BCAS3: variants seen among roughly 807,000 people sequenced by gnomAD.
The protein encoded by BCAS3 is BCAS4/BCAS3 fusion.
BCAS3 carries 53 observed loss-of-function variants against 116.1 expected under a neutral mutation model. The observed-to-expected ratio is 0.46, with a 90% CI of 0.37 to 0.57. The LOEUF is 0.57. Among genes scored for constraint, BCAS3 ranks in the 20% least tolerant of loss-of-function variants. BCAS3 has a pLI of 0.00. For synonymous variants in BCAS3, 391 were observed against 408.2 expected (o/e 0.96, Z 0.51); for missense variants, 917 against 1,165.4 (o/e 0.79, Z 3.10).
At chr17:61,375,634 A>G (rs1420982742) in intron 23 of BCAS3, among the ~76,000 whole-genome samples, 1 of 151,288 alleles carries the variant, frequency 6.6e-6, no homozygotes, top group African/African-American at 2.4e-5. Flanking sequence ...CAATGGCACA[A>G]TCTCAGCTCA....
chr17:60,825,287 A>C (rs960993574), intron 7 of BCAS3, among the ~76,000 whole-genome samples: 14 of 151,722 alleles, frequency 9.2e-5, no homozygotes, highest in Non-Finnish European at 2.1e-4. Context: ...TATGCACATT[A>C]TTTCATTATA....
chr17:61,070,366 A>ATATATAT, intron 19 of BCAS3: 1 of 311,128 alleles, frequency 3.2e-6, no homozygotes, highest in Non-Finnish European at 6.5e-6. Context: ...CCTAATTCTG[A>ATATATAT]ATATATATAT....
rs767971141 is a variant in BCAS3 at position 61,392,089 on chromosome 17, C to T, written c.2706C>T (p.Ser902=). The T allele has an allele frequency of 9.9e-6, 16 of 1,613,684 alleles. No homozygotes were observed. In the South Asian group the frequency reaches 1.8e-4, roughly 18 times the overall value. The part of the protein sequence containing the change: ...GYRSPLPTNE[S]QPLSLFPTGF... ...GATCTCCGCTGCCCACCAATGAGAGCCAGCCCCTCAGCCTCTTCCCGACTG... is the reference window on the plus strand; with the variant it reads ...GATCTCCGCTGCCCACCAATGAGAGTCAGCCCCTCAGCCTCTTCCCGACTG... Residue 902 remains serine (S), a synonymous_variant, in exon 24 of 24, where the codon AGC becomes AGT. Transcript: ENST00000407086. This position sits in a 1 kb window ranked among gnomAD's most constrained non-coding sequence, Gnocchi z 6.4.
intron 23 of BCAS3, among the ~76,000 whole-genome samples, chr17:61,372,033 C>T (rs531067398): frequency 1.8e-4 from 28 of 152,214 alleles, no homozygotes; most frequent in Non-Finnish European, 3.4e-4. Flanking sequence ...CCCCTTGCCC[C>T]GTCACCCTTC....
chr17:61,260,752 A>G (rs988049848), intron 22 of BCAS3, among the ~76,000 whole-genome samples: 3 of 152,264 alleles, frequency 2.0e-5, no homozygotes, highest in Non-Finnish European at 4.4e-5. Flanking sequence ...TAGTAAACCG[A>G]TGAGTGTCTG....
chr17:60,802,294 AAATAT>A (rs1342766188), intron 6 of BCAS3, among the ~76,000 whole-genome samples: 3 of 139,144 alleles, frequency 2.2e-5, no homozygotes, highest in African/African-American at 8.9e-5. Context: ...AAAAAAAAAA[AAATAT>A]ATATATATAT....
intron 11 of BCAS3, among the ~76,000 whole-genome samples, chr17:60,904,956 T>G (rs1396498737): frequency 1.3e-5 from 2 of 152,144 alleles, no homozygotes; most frequent in Non-Finnish European, 2.9e-5. Context: ...ATAAGCAAAG[T>G]CAGATTATGC....
chr17:60,728,331 A>G lies in BCAS3; in HGVS notation c.322-18867A>G, dbSNP rs547633979. On this transcript the variant is annotated intron_variant, in intron 5 of 23. Coordinates refer to ENST00000407086, the MANE Select transcript of BCAS3 (RefSeq NM_017679.5). ...TGGAATCACTACATGGTAGGTAGCC[A>G]TTTCAGATTGGTTTCTTTGACTTAG... Among the ~76,000 whole-genome samples, 5 of 152,012 alleles carry G rather than the reference A, an allele frequency of 3.3e-5. No individual in the cohort carries two copies. In the East Asian group the frequency reaches 9.7e-4, roughly 30 times the overall value.
In BCAS3 at chr17:61,347,178, G is replaced by A. The variant is rs893538697; in HGVS notation, c.2426-21149G>A. Reference sequence around the variant, plus strand: ...CAACCTCCACCTCCAGGGTTCAAGCGATTCTCCTGCCTCCCGCCTCAGCCT... The same window carrying A: ...CAACCTCCACCTCCAGGGTTCAAGCAATTCTCCTGCCTCCCGCCTCAGCCT... On this transcript the variant is annotated intron_variant, in intron 22 of 23. Transcript: ENST00000407086. The surrounding 1 kb of genome is among the most constrained non-coding windows in gnomAD (Gnocchi z 4.3). Among the ~76,000 whole-genome samples, 29 of 152,128 alleles carry A rather than the reference G, an allele frequency of 1.9e-4. No individual in the cohort carries two copies. The highest frequency in any genetic ancestry group is 6.8e-4 in the African/African-American group (28 of 41,438).
intron 22 of BCAS3, among the ~76,000 whole-genome samples, chr17:61,301,154 C>T (rs1361420811): frequency 2.0e-5 from 3 of 152,170 alleles, no homozygotes; most frequent in South Asian, 2.1e-4. Flanking sequence ...AAAGTTTTAT[C>T]GGAACATAGC....
chr17:61,207,556 A>G (rs1463479420), intron 22 of BCAS3, among the ~76,000 whole-genome samples: 1 of 152,006 alleles, frequency 6.6e-6, no homozygotes, highest in Non-Finnish European at 1.5e-5. Context: ...TATTCTGTGA[A>G]GGTATTATCA....
Position 61,278,284 on chromosome 17 carries a change from G to A in BCAS3, c.2426-90043G>A, listed in dbSNP as rs552502022. Among the ~76,000 whole-genome samples, 12 of 152,174 alleles carry A rather than the reference G, an allele frequency of 7.9e-5. No homozygotes were observed. Among genetic ancestry groups the A allele is most frequent in the South Asian group, 2.1e-4 (1 of 4,824 alleles). On this transcript the variant is annotated intron_variant, in intron 22 of 23. Coordinates refer to ENST00000407086, the MANE Select transcript of BCAS3 (RefSeq NM_017679.5). This position sits in a 1 kb window ranked among gnomAD's most constrained non-coding sequence, Gnocchi z 5.8. Reference sequence around the variant, plus strand: ...TCTTGAACTCCTGACCTTGTGATCCGCCTGCCTCGGCCTCTCAAAGTGCTG... The same window carrying A: ...TCTTGAACTCCTGACCTTGTGATCCACCTGCCTCGGCCTCTCAAAGTGCTG...
intron 7 of BCAS3, among the ~76,000 whole-genome samples, chr17:60,850,811 G>A (rs1464191140): frequency 6.6e-6 from 1 of 152,028 alleles, no homozygotes; most frequent in Non-Finnish European, 1.5e-5. Flanking sequence ...TGTAAAACAA[G>A]CAAAAGATCT....
rs2082435199 is a variant in BCAS3, at chr17:61,227,607, C to T, written c.2426-140720C>T. Among the ~76,000 whole-genome samples the T allele has an allele frequency of 6.6e-6, 1 of 152,140 alleles. No individual in the cohort carries two copies. The highest frequency in any genetic ancestry group is 2.4e-5 in the African/African-American group (1 of 41,412). On this transcript the variant is annotated intron_variant, in intron 22 of 23. Coordinates refer to ENST00000407086, the MANE Select transcript of BCAS3 (RefSeq NM_017679.5). The surrounding 1 kb of genome is among the most constrained non-coding windows in gnomAD (Gnocchi z 6.1). ...CTTCTGTGCCCTAAGGCCACATGGC[C>T]GAGAGACAGGTGGGAAGCCAAGGAA... is the stretch of plus-strand genomic sequence containing the variant.
At position 61,139,145 on chromosome 17, in the gene BCAS3, A is replaced by G. The variant is rs2076792935; in HGVS notation, c.2425+54581A>G. Among the ~76,000 whole-genome samples the G allele has an allele frequency of 6.6e-6, 1 of 152,112 alleles. No individual in the cohort carries two copies. The highest frequency in any genetic ancestry group is 1.5e-5 in the Non-Finnish European group (1 of 68,002). On this transcript the variant is annotated intron_variant, in intron 22 of 23. Transcript: ENST00000407086. The surrounding 1 kb of genome is among the most constrained non-coding windows in gnomAD (Gnocchi z 4.7). ...TTATTTATACCTATTTTCCCCCTGTACTTGTATTGCTAGTGATAGAAGTTC... is the reference window on the plus strand; with the variant it reads ...TTATTTATACCTATTTTCCCCCTGTGCTTGTATTGCTAGTGATAGAAGTTC...
At chr17:61,357,407 G>C (rs1198903241) in intron 22 of BCAS3, among the ~76,000 whole-genome samples, 1 of 149,368 alleles carries the variant, frequency 6.7e-6, no homozygotes, top group East Asian at 2.0e-4. Flanking sequence ...TCCAGCCTGG[G>C]CGACAGAGTG....
chr17:60,708,564 T>TAGA (rs1261568395), intron 4 of BCAS3, among the ~76,000 whole-genome samples: 5 of 152,110 alleles, frequency 3.3e-5, no homozygotes, highest in Admixed American at 6.6e-5. Context: ...GGAGTCTTGC[T>TAGA]GTGTCACCCA....
intron 2 of BCAS3, among the ~76,000 whole-genome samples, chr17:60,680,657 A>G (rs1362630825): frequency 1.4e-5 from 2 of 146,754 alleles, no homozygotes. Context: ...TTTTTTTTAG[A>G]TGGAGTCTCA....
chr17:61,264,401 G>C (rs1260918634), intron 22 of BCAS3, among the ~76,000 whole-genome samples: 1 of 151,088 alleles, frequency 6.6e-6, no homozygotes, highest in East Asian at 1.9e-4. Context: ...TAGTAACATA[G>C]GTAAGTCTTT....
Sources: allele counts gnomAD v4.1 joint callset (sites outside exome capture counted in the v4.1 genomes callset), GRCh38; gene constraint gnomAD v4.1.1; non-coding constraint Gnocchi (gnomAD v3.1); transcripts MANE v1.5; gene names NCBI Gene and HGNC (gene_info 2026-07-23, HGNC 2026-07-21).